Variants in GALNT18 observed in about 807,000 individuals in gnomAD.
GALNT18 encodes the protein GalNAc-transferase 18.
A neutral mutation model predicts 69.5 loss-of-function variants in GALNT18; 44 were observed. The ratio of observed to expected loss-of-function variants is 0.63; its 90% CI spans 0.50 to 0.81. The LOEUF is 0.81. GALNT18 is among the 40% of genes least tolerant of loss of function. GALNT18 has a pLI of 0.00. For synonymous variants in GALNT18, 364 were observed against 318.2 expected (o/e 1.14, Z -1.53); for missense variants, 715 against 810.0 (o/e 0.88, Z 1.42).
At chr11:11,457,856 G>A (rs2133833805) in intron 1 of GALNT18, among the ~76,000 whole-genome samples, 1 of 152,380 alleles carries the variant, frequency 6.6e-6, no homozygotes, top group South Asian at 2.1e-4. Context: ...CCTGCAGCCA[G>A]TTCTGTAGCC....
In GALNT18 at chr11:11,295,360, G is replaced by C. The variant is rs907288775; in HGVS notation, c.1513-2167C>G. ...GGGTGTCAGGGAACCACAAGGGATA[G>C]GATGATTCCCTGAGGAAAGTAACAT... On this transcript the variant is annotated intron_variant, in intron 9 of 10. Transcript: ENST00000227756. 3.3e-5 allele frequency among the ~76,000 whole-genome samples: 5 copies of C among 152,162 alleles called. No individual in the cohort carries two copies. The South Asian group carries it at 8.3e-4, about 25-fold the overall frequency.
At chr11:11,548,635 T>C (rs1858121678) in intron 1 of GALNT18, among the ~76,000 whole-genome samples, 1 of 152,198 alleles carries the variant, frequency 6.6e-6, no homozygotes, top group Non-Finnish European at 1.5e-5. Context: ...TCTCCATCAA[T>C]AATGACTTTG....
chr11:11,397,399 C>A (rs1000576857), intron 3 of GALNT18, among the ~76,000 whole-genome samples: 2 of 152,234 alleles, frequency 1.3e-5, no homozygotes, highest in South Asian at 2.1e-4. Flanking sequence ...CTTGTATAAC[C>A]AGTGATGATC....
At chr11:11,272,037 C>T (rs971281054) in intron 10 of GALNT18, among the ~76,000 whole-genome samples, 1 of 152,168 alleles carries the variant, frequency 6.6e-6, no homozygotes, top group African/African-American at 2.4e-5. Context: ...TGAGTTACCA[C>T]CAAACTTGTG....
intron 1 of GALNT18, among the ~76,000 whole-genome samples, chr11:11,550,319 C>A (rs765936206): frequency 3.1e-4 from 47 of 152,194 alleles, no homozygotes; most frequent in Non-Finnish European, 1.5e-4. Context: ...ATGCTTCGGA[C>A]CTCTCAGAAA....
At position 11,619,433 on chromosome 11, in the gene GALNT18, T is replaced by C. The variant is rs1221921679; in HGVS notation, c.235+1926A>G. ...AACTTCAACATCATGCTTTTCCATGTGGAACCTTAGAAATCATGTGACATG... is the reference window on the plus strand; with the variant it reads ...AACTTCAACATCATGCTTTTCCATGCGGAACCTTAGAAATCATGTGACATG... On this transcript the variant is annotated intron_variant, in intron 1 of 10. Transcript: ENST00000227756. This position sits in a 1 kb window ranked among gnomAD's most constrained non-coding sequence, Gnocchi z 4.9. 6.6e-6 allele frequency among the ~76,000 whole-genome samples: 1 copy of C among 152,184 alleles called. No homozygotes were observed. Among genetic ancestry groups the C allele is most frequent in the Non-Finnish European group, 1.5e-5 (1 of 68,044 alleles).
At chr11:11,451,567 T>G (rs1855801052) in intron 1 of GALNT18, among the ~76,000 whole-genome samples, 1 of 152,154 alleles carries the variant, frequency 6.6e-6, no homozygotes, top group African/African-American at 2.4e-5. Flanking sequence ...AAAGGTGTAA[T>G]ATTTGTTGAA....
At chr11:11,615,907 T>C (rs1860031947) in intron 1 of GALNT18, among the ~76,000 whole-genome samples, 1 of 152,242 alleles carries the variant, frequency 6.6e-6, no homozygotes, top group Non-Finnish European at 1.5e-5. Context: ...AAATTATGTA[T>C]GTAACATATA....
At chr11:11,298,536 T>C (rs962585149) in intron 9 of GALNT18, among the ~76,000 whole-genome samples, 2 of 152,082 alleles carry the variant, frequency 1.3e-5, no homozygotes, top group African/African-American at 4.8e-5. Flanking sequence ...CTCCGCCCAG[T>C]CCCGAACCTC....
In GALNT18 at chr11:11,327,139, G is replaced by T. The variant is rs754708808; in HGVS notation, c.1459C>A (p.Pro487Thr). The T allele has an allele frequency of 5.6e-6, 9 of 1,613,912 alleles. No homozygotes were observed. In the African/African-American group the frequency reaches 1.2e-4, roughly 22 times the overall value. The change falls in exon 9 of 11, where the codon CCA becomes ACA. Residue 487 changes from proline (P) to threonine (T), a missense_variant. Pro to Thr is a conservative substitution (Grantham distance 38). Transcript: ENST00000227756. ...ATGATGGGGACATTCTCTGTATCTG[G>T]CCCCTGGTCAAGACACAAATCAGTC... ...LKTDLCLDQG[P>T]DTENVPIMYI...
chr11:11,278,971 T>C lies in GALNT18; in HGVS notation c.1678-7681A>G, dbSNP rs77749729. Among the ~76,000 whole-genome samples, 1,210 of 152,350 alleles carry C rather than the reference T, an allele frequency of 7.9e-3. 15 individuals carry two copies. The highest frequency in any genetic ancestry group is 0.025 in the African/African-American group (1,031 of 41,578). On this transcript the variant is annotated intron_variant, in intron 10 of 10. Transcript: ENST00000227756. Reference sequence around the variant, plus strand: ...CAGCATTACATGTACCCCATAAATATATTCAACTATTATGTACCCATTGAT... The same window carrying C: ...CAGCATTACATGTACCCCATAAATACATTCAACTATTATGTACCCATTGAT...
intron 3 of GALNT18, among the ~76,000 whole-genome samples, chr11:11,411,079 G>A (rs1178684499): frequency 6.6e-6 from 1 of 152,202 alleles, no homozygotes; most frequent in Non-Finnish European, 1.5e-5. Flanking sequence ...TTGGGAAGCT[G>A]AGGAGGGAGG....
intron 1 of GALNT18, among the ~76,000 whole-genome samples, chr11:11,452,251 T>C (rs907544866): frequency 9.2e-5 from 14 of 152,218 alleles, no homozygotes; most frequent in African/African-American, 3.4e-4. Flanking sequence ...CTAGGGTTTA[T>C]CCTCCAGCTC....
At chr11:11,510,490 CA>C (rs5789689) in intron 1 of GALNT18, among the ~76,000 whole-genome samples, 78,356 of 151,912 alleles carry the variant, frequency 0.52, 22,996 homozygotes, top group Non-Finnish European at 0.66. Context: ...TTGTACCAGG[CA>C]CTGGGCATGC....
chr11:11,392,921 T>A (rs1235393394), intron 3 of GALNT18, among the ~76,000 whole-genome samples: 1 of 152,214 alleles, frequency 6.6e-6, no homozygotes, highest in Non-Finnish European at 1.5e-5. Context: ...ATCCCAGGGA[T>A]CATGGGGCAG....
At chr11:11,411,959 T>C (rs1046911355) in intron 3 of GALNT18, among the ~76,000 whole-genome samples, 9 of 152,104 alleles carry the variant, frequency 5.9e-5, no homozygotes, top group Admixed American at 6.6e-5. Context: ...GGACCTCATA[T>C]CCCGGGCATT....
chr11:11,433,868 G>C (rs1489904905), intron 2 of GALNT18, among the ~76,000 whole-genome samples: 1 of 152,176 alleles, frequency 6.6e-6, no homozygotes, highest in African/African-American at 2.4e-5. Context: ...CCCAGGCCCT[G>C]GGTTTGGAGA....
At position 11,314,382 on chromosome 11, in the gene GALNT18, CTT is replaced by C. The variant is rs34880146; in HGVS notation, c.1512+12702_1512+12703del. ...GAATGAATAACAAATCAAGCAGCTC[CTT>C]TTTTTTTTTTTAGCATGGAAGCTGC... On this transcript the variant is annotated intron_variant, in intron 9 of 10. Transcript: ENST00000227756. This position sits in a 1 kb window ranked among gnomAD's most constrained non-coding sequence, Gnocchi z 5.2. Among the ~76,000 whole-genome samples the C allele has an allele frequency of 3.1e-3, 454 of 148,326 alleles. 2 individuals carry two copies. Among genetic ancestry groups the C allele is most frequent in the South Asian group, 0.017 (80 of 4,672 alleles).
intron 10 of GALNT18, among the ~76,000 whole-genome samples, chr11:11,275,452 A>T (rs1848923573): frequency 6.6e-6 from 1 of 152,114 alleles, no homozygotes; most frequent in Non-Finnish European, 1.5e-5. Context: ...TGTCAGATGG[A>T]CAGATTGCCA....
Sources: gnomAD v4.1 joint callset for allele counts (sites outside exome capture counted in the v4.1 genomes callset) on GRCh38, gnomAD v4.1.1 for gene constraint, Gnocchi (gnomAD v3.1) non-coding constraint, MANE v1.5 for transcripts, NCBI Gene and HGNC (gene_info 2026-07-23, HGNC 2026-07-21) for gene names.